ARSD: variants seen among roughly 807,000 people sequenced by gnomAD.
ARSD encodes testis tissue sperm-binding protein Li 39a.
ARSD carries 21 observed loss-of-function variants against 32.6 expected under a neutral mutation model. That is an observed-to-expected ratio of 0.64 (90% CI 0.46 to 0.93). The LOEUF is 0.93. Among genes scored for constraint, ARSD ranks in the 40% least tolerant of loss-of-function variants. The pLI is 0.00. For missense variants in ARSD, 454 were observed against 520.9 expected, an observed-to-expected ratio of 0.87 and a Z score of 1.25; for synonymous variants, 224 against 237.4, an observed-to-expected ratio of 0.94 and a Z score of 0.52.
At chrX:2,916,010 T>C (rs1486490660) in intron 5 of ARSD, among the ~76,000 whole-genome samples, 2 of 107,516 alleles carry the variant, frequency 1.9e-5, no homozygotes, top group Non-Finnish European at 1.9e-5. Flanking sequence ...CTTGAGTCTG[T>C]GGTCCCAGCT....
chrX:2,912,248 C>T (rs1028919530), intron 6 of ARSD, among the ~76,000 whole-genome samples: 5 of 111,939 alleles, frequency 4.5e-5, no homozygotes, highest in African/African-American at 1.3e-4. Context: ...CATTATGAAA[C>T]CTTGGCCTCC....
intron 5 of ARSD, among the ~76,000 whole-genome samples, chrX:2,917,325 C>T (rs2088971660): frequency 1.8e-5 from 2 of 110,773 alleles, no homozygotes; most frequent in African/African-American, 6.6e-5. Flanking sequence ...ACATCCACTT[C>T]GAGACTCTCA....
chrX:2,911,846 TGA>T (rs2088905447), intron 6 of ARSD, among the ~76,000 whole-genome samples: 1 of 109,632 alleles, frequency 9.1e-6, no homozygotes, highest in Admixed American at 9.7e-5. Flanking sequence ...GACCTATGAC[TGA>T]GAGAAGGCCA....
intron 5 of ARSD, among the ~76,000 whole-genome samples, chrX:2,916,131 C>CAAAAAAAAA: frequency 2.6e-5 from 1 of 38,259 alleles, no homozygotes; most frequent in Non-Finnish European, 4.4e-5. Context: ...GACCCTGTCT[C>CAAAAAAAAA]AAAAAAAAAA....
chrX:2,904,903 CTTTT>C lies in ARSD; in HGVS notation c.*2364_*2367del, dbSNP rs57996096. On this transcript the variant is annotated 3_prime_UTR_variant, in exon 10 of 10. Transcript: ENST00000381154. ...CGTGTCCCATGCTCCATAGATGTTT[CTTTT>C]TTTTTTTTTTTTTAATCATTTTTTG... 2.4e-5 allele frequency: 5 copies of C among 208,470 alleles called. No homozygotes were observed. The highest frequency in any genetic ancestry group is 1.4e-4 in the East Asian group (1 of 6,959). The allele number at this position is 208,470 out of a possible 1,213,427, so 17.2% of individuals were successfully genotyped here.
chrX:2,909,683 C>CAAA (rs751282477), intron 8 of ARSD, 134 bp downstream of exon 8: 85 of 289,232 alleles, frequency 2.9e-4, no homozygotes, highest in African/African-American at 2.2e-3. Context: ...GACTCTGTCT[C>CAAA]AAAAAAAAAA....
chrX:2,907,794 G>A, intron 9 of ARSD, 162 bp from the exon 10 acceptor site: 1 of 1,033,816 alleles, frequency 9.7e-7, no homozygotes, highest in East Asian at 3.6e-5. Context: ...AGCTTGCAAA[G>A]TCAGAGCATG....
At chrX:2,925,914 C>A in intron 1 of ARSD, 149 bp from the exon 2 acceptor site, 1 of 565,825 alleles carries the variant, frequency 1.8e-6, no homozygotes, top group Non-Finnish European at 2.7e-6. Context: ...GCCTGAATTC[C>A]TGCACTGGTG....
At chrX:2,922,049 T>C in intron 2 of ARSD, 25 bp from the exon 3 acceptor site, 1 of 1,182,623 alleles carries the variant, frequency 8.5e-7, no homozygotes, top group East Asian at 3.0e-5. Context: ...CAAATGTCAT[T>C]GTTGGAAGGG....
chrX:2,925,452 T>C lies in ARSD; in HGVS notation c.194+164A>G, dbSNP rs1262610692. ...TTGTGGTAGTAATACATTCACCCCCTCACCGCAGTTCCGCATGGTTTAAAA... is the reference window on the plus strand; with the variant it reads ...TTGTGGTAGTAATACATTCACCCCCCCACCGCAGTTCCGCATGGTTTAAAA... On this transcript the variant is annotated intron_variant, in intron 2 of 9. Transcript: ENST00000381154. 7.1e-5 allele frequency among the ~76,000 whole-genome samples: 8 copies of C among 112,656 alleles called. No individual in the cohort carries two copies. The Admixed American group carries it at 7.5e-4, about 11-fold the overall frequency.
intron 9 of ARSD, 62 bp from the exon 10 acceptor site, chrX:2,907,694 G>A: frequency 9.2e-7 from 1 of 1,084,251 alleles, no homozygotes. Flanking sequence ...AACGCAGAAC[G>A]CAGGTGTCGG....
At chrX:2,909,759 A>T in intron 8 of ARSD, 58 bp downstream of exon 8, 1 of 1,111,719 alleles carries the variant, frequency 9.0e-7, no homozygotes, top group Non-Finnish European at 1.2e-6. Flanking sequence ...GAAATAAAAA[A>T]AAAAAACTAA....
chrX:2,917,085 A>T (rs1458058711), intron 5 of ARSD, among the ~76,000 whole-genome samples: 3 of 106,479 alleles, frequency 2.8e-5, no homozygotes, highest in African/African-American at 1.0e-4. Flanking sequence ...AAAAAAAAAA[A>T]AATGAGACAT....
chrX:2,918,504 C>A (rs1019931603), intron 4 of ARSD, among the ~76,000 whole-genome samples: 20 of 111,834 alleles, frequency 1.8e-4, no homozygotes, highest in African/African-American at 4.5e-4. Context: ...TAATCCCAGC[C>A]CTTTGGGAGG....
In ARSD at chrX:2,908,789, G is replaced by A. The variant is rs771419496; in HGVS notation, c.1352C>T (p.Ser451Leu). 14 of 1,208,129 alleles carry A rather than the reference G, an allele frequency of 1.2e-5. No individual in the cohort carries two copies. Among genetic ancestry groups the A allele is most frequent in the South Asian group, 3.5e-5 (2 of 56,528 alleles). Reference sequence around the variant, plus strand: ...GTAATGAAACAGGAACTCATGTGCCGAGCGTGCCTCAGCTCCCTGCAGCAA... The same window carrying A: ...GTAATGAAACAGGAACTCATGTGCCAAGCGTGCCTCAGCTCCCTGCAGCAA... ...VPLLQGAEAR[S>L]AHEFLFHYCG... The change falls in exon 9 of 10, where the codon TCG (serine) becomes TTG (leucine). Residue 451 changes from serine to leucine, a missense_variant. Coordinates refer to ENST00000381154, the MANE Select transcript of ARSD (RefSeq NM_001669.4).
intron 2 of ARSD, among the ~76,000 whole-genome samples, chrX:2,924,973 G>T (rs1423333341): frequency 9.0e-6 from 1 of 111,482 alleles, no homozygotes; most frequent in Non-Finnish European, 1.9e-5. Flanking sequence ...ATCAGATTAG[G>T]GCTCACCCTA....
intron 2 of ARSD, among the ~76,000 whole-genome samples, chrX:2,924,134 G>C (rs1453792260): frequency 2.7e-5 from 3 of 112,638 alleles, no homozygotes; most frequent in African/African-American, 9.7e-5. Context: ...CCGGGCTCAA[G>C]CCATCCTCCA....
intron 8 of ARSD, among the ~76,000 whole-genome samples, chrX:2,909,080 G>GCACACACACA (rs60574020): frequency 0.088 from 9,303 of 105,699 alleles, 544 homozygotes; most frequent in East Asian, 0.39. Context: ...TAAGCAGAGT[G>GCACACACACA]CACACACACA....
rs1027879095 is a variant in ARSD, at chrX:2,921,808, C to T, written c.316+95G>A. On this transcript the variant is annotated intron_variant, in intron 3 of 9. Transcript: ENST00000381154. ...ATTGCAGGTGATCTTTGTACCATTG[C>T]CCCTGTATCTTCACCATCAGTACTC... 2.4e-5 allele frequency: 25 copies of T among 1,023,682 alleles called. 2 individuals carry two copies. The highest frequency in any genetic ancestry group is 2.1e-5 in the Non-Finnish European group (16 of 755,978). The allele number at this position is 1,023,682 out of a possible 1,213,427, so 84.4% of individuals were successfully genotyped here. A position where few individuals can be genotyped will look rare whatever the true frequency, so the allele number is the denominator to read the frequency against.
Sources: allele counts gnomAD v4.1 joint callset (sites outside exome capture counted in the v4.1 genomes callset), GRCh38; gene constraint gnomAD v4.1.1; transcripts MANE v1.5; gene names NCBI Gene and HGNC (gene_info 2026-07-23, HGNC 2026-07-21).